The following ELOVL4 variants were observed in gnomAD, a reference collection of about 807,000 sequenced individuals.
ELOVL4 encodes very long chain fatty acid elongase 4.
A neutral mutation model predicts 42.1 loss-of-function variants in ELOVL4; 18 were observed. That is an observed-to-expected ratio of 0.43 (90% confidence interval 0.30 to 0.63). The LOEUF is 0.63. Ranked by LOEUF, ELOVL4 falls within the 30% of genes least tolerant of loss-of-function variation. The pLI, the probability that ELOVL4 is intolerant of heterozygous loss-of-function variation, is 0.15. For synonymous variants in ELOVL4, 117 were observed against 127.0 expected, an observed-to-expected ratio of 0.92 and a Z score of 0.53; for missense variants, 299 against 376.2, an observed-to-expected ratio of 0.79 and a Z score of 1.70.
intron 1 of ELOVL4, among the ~76,000 whole-genome samples, chr6:79,944,977 T>G (rs1582057938): frequency 9.3e-6 from 1 of 107,126 alleles, no homozygotes; most frequent in Non-Finnish European, 1.7e-5. Context: ...CAGAGCAGAG[T>G]GAATGAGTCC....
At chr6:79,941,797 T>A (rs1284159118) in intron 1 of ELOVL4, among the ~76,000 whole-genome samples, 2 of 152,208 alleles carry the variant, frequency 1.3e-5, no homozygotes, top group African/African-American at 4.8e-5. Flanking sequence ...TATGCTAGAT[T>A]AAGAGGGTCA....
intron 3 of ELOVL4, among the ~76,000 whole-genome samples, chr6:79,923,161 C>A (rs1774286549): frequency 6.6e-6 from 1 of 152,106 alleles, no homozygotes; most frequent in African/African-American, 2.4e-5. Flanking sequence ...CACTAGATAT[C>A]TTTAAATAAA....
Position 79,916,259 on chromosome 6 carries a change from G to A in ELOVL4, c.*349C>T, listed in dbSNP as rs1042694825. 24 of 222,334 alleles carry A rather than the reference G, an allele frequency of 1.1e-4. No homozygotes were observed. The highest frequency in any genetic ancestry group is 4.1e-4 in the African/African-American group (18 of 43,380). 13.8% of individuals were successfully genotyped at this position (222,334 alleles called of 1,614,324 possible). ...ATTCATAAAGACCGTTTCTGTGATC[G>A]TCTAAAATTCAGACCGAAGAATGAG... On this transcript the variant is annotated 3_prime_UTR_variant, in exon 6 of 6. Transcript: ENST00000369816.
chr6:79,944,947 A>G (rs1774710861), intron 1 of ELOVL4, among the ~76,000 whole-genome samples: 1 of 148,578 alleles, frequency 6.7e-6, no homozygotes, highest in African/African-American at 2.5e-5. Flanking sequence ...TTTTCATCAA[A>G]TTATGCTGAG....
intron 4 of ELOVL4, among the ~76,000 whole-genome samples, chr6:79,920,540 C>T (rs1774235350): frequency 1.3e-5 from 2 of 152,118 alleles, no homozygotes; most frequent in African/African-American, 4.8e-5. Flanking sequence ...GGAATATTTG[C>T]ATAGACATAA....
At position 79,940,217 on chromosome 6, in the gene ELOVL4, T is replaced by C. The variant is rs1287049031; in HGVS notation, c.100+6963A>G. Among the ~76,000 whole-genome samples the C allele has an allele frequency of 2.0e-5, 3 of 152,318 alleles. No individual in the cohort carries two copies. The South Asian group carries it at 6.2e-4, about 32-fold the overall frequency. On this transcript the variant is annotated intron_variant, in intron 1 of 5. Coordinates refer to ENST00000369816, the MANE Select transcript of ELOVL4 (RefSeq NM_022726.4). ...TTATGTGATTATACCTGACAGTGAG[T>C]AACTGATTTCCTCAGTGGACTAATG...
chr6:79,938,155 C>A (rs933623219), intron 1 of ELOVL4, among the ~76,000 whole-genome samples: 1 of 152,220 alleles, frequency 6.6e-6, no homozygotes, highest in Admixed American at 6.5e-5. Context: ...AATGTTGCCT[C>A]GTTTCCTGGA....
chr6:79,924,785 T>C (rs1354638843), intron 3 of ELOVL4, among the ~76,000 whole-genome samples, 167 bp downstream of exon 3: 2 of 152,150 alleles, frequency 1.3e-5, no homozygotes, highest in Non-Finnish European at 2.9e-5. Context: ...CAGTGAGCTA[T>C]GATCATACCA....
Position 79,947,492 on chromosome 6 carries a change from G to C in ELOVL4, c.-213C>G. ...AGCGGAAGGCGTCGTCAAGGTTCCCGGGAGAAAGACGAGGAGGTGGAGGAG... is the reference window on the plus strand; with the variant it reads ...AGCGGAAGGCGTCGTCAAGGTTCCCCGGAGAAAGACGAGGAGGTGGAGGAG... On this transcript the variant is annotated 5_prime_UTR_variant, in exon 1 of 6. Transcript: ENST00000369816. The C allele has an allele frequency of 1.7e-6, 1 of 588,614 alleles. No individual in the cohort carries two copies. Among genetic ancestry groups the C allele is most frequent in the South Asian group, 1.9e-5 (1 of 51,880 alleles). 36.5% of individuals were successfully genotyped at this position (588,614 alleles called of 1,614,324 possible).
At position 79,947,263 on chromosome 6, in the gene ELOVL4, G is replaced by A; in HGVS notation, c.17C>T (p.Ser6Leu). 5 of 1,612,446 alleles carry A rather than the reference G, an allele frequency of 3.1e-6. No individual in the cohort carries two copies. Among genetic ancestry groups the A allele is most frequent in the Non-Finnish European group, 4.2e-6 (5 of 1,179,158 alleles). The change falls in exon 1 of 6, where the codon TCG (serine) becomes TTG (leucine). Residue 6 changes from serine to leucine, a missense_variant. Coordinates refer to ENST00000369816, the MANE Select transcript of ELOVL4 (RefSeq NM_022726.4). MGLLD[S>L]EPGSVLNVVS... ...TACGTTTAGGACACTACCCGGCTCCGAGTCCAGGAGCCCCATCGCGGCGAT... is the reference window on the plus strand; with the variant it reads ...TACGTTTAGGACACTACCCGGCTCCAAGTCCAGGAGCCCCATCGCGGCGAT...
At chr6:79,947,137 C>A in intron 1 of ELOVL4, 43 bp downstream of exon 1, 1 of 1,540,474 alleles carries the variant, frequency 6.5e-7, no homozygotes. Context: ...CCGGTGACCC[C>A]CCGCGGGGGA....
At chr6:79,937,439 G>A (rs557038044) in intron 1 of ELOVL4, among the ~76,000 whole-genome samples, 4 of 152,132 alleles carry the variant, frequency 2.6e-5, no homozygotes, top group Non-Finnish European at 4.4e-5. Flanking sequence ...TGTGTGATTC[G>A]AGCTGAAGGC....
Position 79,915,257 on chromosome 6 carries a change from C to T in ELOVL4, c.*1351G>A, listed in dbSNP as rs956180177. ...AAAACATGATACAAATTCTTTCCTA[C>T]TTTATTTCCAGTTGTTCACTTATAT... On this transcript the variant is annotated 3_prime_UTR_variant, in exon 6 of 6. Coordinates refer to ENST00000369816, the MANE Select transcript of ELOVL4 (RefSeq NM_022726.4). 9.2e-5 allele frequency: 14 copies of T among 152,464 alleles called. No homozygotes were observed. The highest frequency in any genetic ancestry group is 3.4e-4 in the African/African-American group (14 of 41,410). 9.4% of individuals were successfully genotyped at this position (152,464 alleles called of 1,614,324 possible). A position where few individuals can be genotyped will look rare whatever the true frequency, so the allele number is the denominator to read the frequency against.
rs240307 is a variant in ELOVL4 at position 79,947,515 on chromosome 6, G to C, written c.-236C>G. On this transcript the variant is annotated 5_prime_UTR_variant, in exon 1 of 6. Coordinates refer to ENST00000369816, the MANE Select transcript of ELOVL4 (RefSeq NM_022726.4). ...CCGGGAGAAAGACGAGGAGGTGGAG[G>C]AGGCCCAGCCGCCAGCACAGTGCGC... is the stretch of plus-strand genomic sequence containing the variant. 2 of 557,544 alleles carry C rather than the reference G, an allele frequency of 3.6e-6. No homozygotes were observed. Among genetic ancestry groups the C allele is most frequent in the Non-Finnish European group, 6.4e-6 (2 of 311,242 alleles). 34.5% of individuals were successfully genotyped at this position (557,544 alleles called of 1,614,324 possible). A position where few individuals can be genotyped will look rare whatever the true frequency, so the allele number is the denominator to read the frequency against.
intron 1 of ELOVL4, among the ~76,000 whole-genome samples, chr6:79,940,374 T>G (rs7758672): frequency 6.6e-6 from 1 of 152,170 alleles, no homozygotes; most frequent in African/African-American, 2.4e-5. Context: ...TTTTAAAAAT[T>G]TGTATTTTGA....
intron 3 of ELOVL4, among the ~76,000 whole-genome samples, chr6:79,923,508 C>T (rs537233644): frequency 6.6e-6 from 1 of 152,336 alleles, no homozygotes; most frequent in South Asian, 2.1e-4. Flanking sequence ...CTGTTCCCTT[C>T]CCTACGGCAA....
intron 5 of ELOVL4, among the ~76,000 whole-genome samples, chr6:79,918,854 T>C (rs1774202495): frequency 6.6e-6 from 1 of 152,222 alleles, no homozygotes; most frequent in Non-Finnish European, 1.5e-5. Flanking sequence ...AATATCTGTC[T>C]CTGCTCTCTT....
At chr6:79,923,578 T>C (rs1368339649) in intron 3 of ELOVL4, among the ~76,000 whole-genome samples, 1 of 152,160 alleles carries the variant, frequency 6.6e-6, no homozygotes, top group African/African-American at 2.4e-5. Context: ...GAAGAAAATT[T>C]TTCATAGCCA....
At chr6:79,946,482 G>A (rs941193804) in intron 1 of ELOVL4, among the ~76,000 whole-genome samples, 3 of 152,094 alleles carry the variant, frequency 2.0e-5, no homozygotes, top group African/African-American at 7.2e-5. Context: ...CCTAAAGACT[G>A]ATTTCTTCCC....
Sources: allele counts gnomAD v4.1 joint callset (sites outside exome capture counted in the v4.1 genomes callset), GRCh38; gene constraint gnomAD v4.1.1; transcripts MANE v1.5; gene names NCBI Gene and HGNC (gene_info 2026-07-23, HGNC 2026-07-21).